Variants in DOK5 observed in about 807,000 individuals in gnomAD.
DOK5 encodes the protein downstream of tyrosine kinase 5.
Under a neutral mutation model 43.3 loss-of-function variants are expected in DOK5, and 27 were observed. That is an observed-to-expected ratio of 0.62 (90% CI 0.46 to 0.86). The LOEUF (loss-of-function observed/expected upper bound fraction) is 0.86. DOK5 is among the 40% of genes least tolerant of loss of function. The pLI, the probability that DOK5 is intolerant of heterozygous loss-of-function variation, is 0.00. For synonymous variants in DOK5, 146 were observed against 140.1 expected, an observed-to-expected ratio of 1.04 and a Z score of -0.30; for missense variants, 373 against 392.9, an observed-to-expected ratio of 0.95 and a Z score of 0.43.
chr20:54,573,804 G>A (rs73276968), intron 2 of DOK5, among the ~76,000 whole-genome samples: 1,743 of 152,068 alleles, frequency 0.011, 37 homozygotes, highest in African/African-American at 0.04. Context: ...TTTGCAGAGA[G>A]GTATATAGGA....
chr20:54,548,080 T>C (rs1474386892), intron 1 of DOK5, among the ~76,000 whole-genome samples: 1 of 152,128 alleles, frequency 6.6e-6, no homozygotes, highest in South Asian at 2.1e-4. Context: ...ATGCACAGGA[T>C]AACCCCCCAC....
At chr20:54,481,017 T>TATCTATC (rs1981670688) in intron 1 of DOK5, among the ~76,000 whole-genome samples, 1 of 86,578 alleles carries the variant, frequency 1.2e-5, no homozygotes, top group Non-Finnish European at 2.3e-5. Flanking sequence ...ATCATCTATC[T>TATCTATC]ATCTATCATC....
chr20:54,612,101 CAT>C (rs1568810239), intron 6 of DOK5, among the ~76,000 whole-genome samples: 1 of 152,228 alleles, frequency 6.6e-6, no homozygotes, highest in African/African-American at 2.4e-5. Context: ...ATAATTTTCA[CAT>C]GTCAGGAAAT....
chr20:54,596,327 C>G (rs1024607561), intron 5 of DOK5, among the ~76,000 whole-genome samples: 1 of 152,204 alleles, frequency 6.6e-6, no homozygotes, highest in African/African-American at 2.4e-5. Context: ...AGTTGTCTGT[C>G]TAAGCAAGTA....
At chr20:54,581,117 A>G (rs1484247402) in intron 2 of DOK5, among the ~76,000 whole-genome samples, 1 of 152,060 alleles carries the variant, frequency 6.6e-6, no homozygotes, top group African/African-American at 2.4e-5. Context: ...TTGTAGCATC[A>G]TTTGTTGAAA....
chr20:54,634,028 T>G (rs1453143871), intron 6 of DOK5, among the ~76,000 whole-genome samples: 3 of 152,224 alleles, frequency 2.0e-5, no homozygotes, highest in African/African-American at 7.2e-5. Flanking sequence ...GGTCTCAGAC[T>G]CATGAAAGAA....
At chr20:54,569,664 A>T (rs1049239739) in intron 2 of DOK5, among the ~76,000 whole-genome samples, 1 of 152,208 alleles carries the variant, frequency 6.6e-6, no homozygotes, top group Non-Finnish European at 1.5e-5. Flanking sequence ...AGCTTATGAA[A>T]GTCCCCCTCA....
chr20:54,557,275 C>A (rs115546826), intron 2 of DOK5, among the ~76,000 whole-genome samples: 3 of 152,162 alleles, frequency 2.0e-5, no homozygotes, highest in Non-Finnish European at 4.4e-5. Flanking sequence ...TTTCCACAGA[C>A]GGGGTTGGGG....
At position 54,579,757 on chromosome 20, in the gene DOK5, A is replaced by G. The variant is rs190032307; in HGVS notation, c.175-8726A>G. On this transcript the variant is annotated intron_variant, in intron 2 of 7. Transcript: ENST00000262593. Reference sequence around the variant, plus strand: ...TCCTTCTTTTTTAGGGTGGGATAATAGTATATGGTATATGTATACATTTTC... The same window carrying G: ...TCCTTCTTTTTTAGGGTGGGATAATGGTATATGGTATATGTATACATTTTC... Among the ~76,000 whole-genome samples the G allele has an allele frequency of 1.9e-4, 29 of 152,242 alleles. No homozygotes were observed. The East Asian group carries it at 5.4e-3, about 28-fold the overall frequency.
At chr20:54,477,419 A>G (rs770100234) in intron 1 of DOK5, among the ~76,000 whole-genome samples, 3 of 152,272 alleles carry the variant, frequency 2.0e-5, no homozygotes, top group East Asian at 3.9e-4. Flanking sequence ...GAATATATAC[A>G]TATGTAATTA....
chr20:54,574,109 TC>T (rs1985381183), intron 2 of DOK5, among the ~76,000 whole-genome samples: 1 of 152,132 alleles, frequency 6.6e-6, no homozygotes, highest in East Asian at 1.9e-4. Context: ...CGGACCGCCT[TC>T]CCCATCTGCT....
At chr20:54,503,157 G>A (rs944487908) in intron 1 of DOK5, among the ~76,000 whole-genome samples, 2 of 151,916 alleles carry the variant, frequency 1.3e-5, no homozygotes, top group Non-Finnish European at 1.5e-5. Flanking sequence ...AAATAGAGGT[G>A]GAAAGCAGGC....
chr20:54,594,590 A>T (rs1339029229), intron 5 of DOK5, among the ~76,000 whole-genome samples: 1 of 152,172 alleles, frequency 6.6e-6, no homozygotes, highest in Non-Finnish European at 1.5e-5. Flanking sequence ...TTCATATTTC[A>T]TATTGATGTG....
At chr20:54,608,200 A>C (rs1362849706) in intron 5 of DOK5, among the ~76,000 whole-genome samples, 2 of 152,126 alleles carry the variant, frequency 1.3e-5, no homozygotes, top group Non-Finnish European at 2.9e-5. Context: ...GTCACACTAC[A>C]AGTATTTCTG....
Position 54,591,744 on chromosome 20 carries a change from C to T in DOK5, c.538C>T (p.Pro180Ser), listed in dbSNP as rs753694334. ...QNPRVKLISW[P>S]LSALRRYGRD... ...TCCCAGAGTCAAACTCATCTCTTGGCCGCTAAGCGCCCTGCGGCGGTATGG... is the reference window on the plus strand; with the variant it reads ...TCCCAGAGTCAAACTCATCTCTTGGTCGCTAAGCGCCCTGCGGCGGTATGG... The change falls in exon 5 of 8, where the codon CCG becomes TCG. Residue 180 changes from proline (P) to serine (S), a missense_variant. Transcript: ENST00000262593. 210 of 1,614,080 alleles carry T rather than the reference C, an allele frequency of 1.3e-4. No individual in the cohort carries two copies. The highest frequency in any genetic ancestry group is 1.7e-4 in the Non-Finnish European group (198 of 1,180,050).
At chr20:54,487,488 C>G (rs1157317565) in intron 1 of DOK5, among the ~76,000 whole-genome samples, 1 of 152,100 alleles carries the variant, frequency 6.6e-6, no homozygotes, top group Non-Finnish European at 1.5e-5. Flanking sequence ...ACTTACAGTG[C>G]AGGTATTATA....
rs574401990 is a variant in DOK5, at chr20:54,526,680, G to GT, written c.67-28246dup. Among the ~76,000 whole-genome samples the GT allele has an allele frequency of 3.7e-4, 56 of 152,070 alleles. 1 individual carries two copies. Among genetic ancestry groups the GT allele is most frequent in the Non-Finnish European group, 4.7e-4 (32 of 67,998 alleles). On this transcript the variant is annotated intron_variant, in intron 1 of 7. Coordinates refer to ENST00000262593, the MANE Select transcript of DOK5 (RefSeq NM_018431.5). Reference sequence around the variant, plus strand: ...CTAGAGCCATGTAATTAAACTGTGTGTTTTTTTCAGAAATACCTGGAACAC... The same window carrying GT: ...CTAGAGCCATGTAATTAAACTGTGTGTTTTTTTTCAGAAATACCTGGAACAC...
At chr20:54,537,453 A>G (rs1397223154) in intron 1 of DOK5, among the ~76,000 whole-genome samples, 1 of 152,228 alleles carries the variant, frequency 6.6e-6, no homozygotes, top group African/African-American at 2.4e-5. Flanking sequence ...GCAATTACAA[A>G]CTTGCTTGAA....
chr20:54,565,807 G>T (rs1281952459), intron 2 of DOK5, among the ~76,000 whole-genome samples: 1 of 152,078 alleles, frequency 6.6e-6, no homozygotes, highest in Non-Finnish European at 1.5e-5. Flanking sequence ...CGGATCACGA[G>T]GTCAGGAGAT....
Sources: gnomAD v4.1 joint callset for allele counts (sites outside exome capture counted in the v4.1 genomes callset) on GRCh38, gnomAD v4.1.1 for gene constraint, MANE v1.5 for transcripts, NCBI Gene and HGNC (gene_info 2026-07-23, HGNC 2026-07-21) for gene names.